TCF12: variants seen among roughly 807,000 people sequenced by gnomAD.
TCF12 encodes transcription factor 12, also known as DNA-binding protein HTF4.
A neutral mutation model predicts 86.0 loss-of-function variants in TCF12; 45 were observed. The observed-to-expected ratio is 0.52, with a 90% CI of 0.41 to 0.67. TCF12 has a LOEUF of 0.67. Among genes scored for constraint, TCF12 ranks in the 30% least tolerant of loss-of-function variants. The pLI is 0.00. For synonymous variants in TCF12, 330 were observed against 299.6 expected (o/e 1.10, Z -1.05); for missense variants, 881 against 859.9 (o/e 1.02, Z -0.31).
intron 3 of TCF12, among the ~76,000 whole-genome samples, chr15:57,045,983 A>G (rs1200477063): frequency 6.6e-6 from 1 of 152,234 alleles, no homozygotes; most frequent in African/African-American, 2.4e-5. Context: ...TAAGCAGCAG[A>G]TGACTGCCTT....
intron 4 of TCF12, among the ~76,000 whole-genome samples, chr15:57,085,209 A>T (rs755897530): frequency 6.6e-6 from 1 of 152,186 alleles, no homozygotes; most frequent in Non-Finnish European, 1.5e-5. Flanking sequence ...ACAAAATTCT[A>T]TGCTAGTCTC....
intron 3 of TCF12, among the ~76,000 whole-genome samples, chr15:57,006,507 G>T (rs543125599): frequency 2.6e-5 from 4 of 152,040 alleles, no homozygotes; most frequent in Non-Finnish European, 5.9e-5. Context: ...GTTTCACCAT[G>T]TTGGCCAGGG....
intron 3 of TCF12, among the ~76,000 whole-genome samples, chr15:57,018,444 G>C (rs1192354670): frequency 6.6e-6 from 1 of 152,000 alleles, no homozygotes; most frequent in African/African-American, 2.4e-5. Flanking sequence ...GCCTCTCTGG[G>C]CCGGATTTAT....
intron 3 of TCF12, among the ~76,000 whole-genome samples, chr15:57,053,639 A>C (rs1596313739): frequency 6.6e-6 from 1 of 151,182 alleles, no homozygotes; most frequent in Non-Finnish European, 1.5e-5. Context: ...TTTGTAGATA[A>C]ATTTTATTTG....
At position 57,289,133 on chromosome 15, in the gene TCF12, C is replaced by T. The variant is rs1172594543; in HGVS notation, c.*2988C>T. ...CGTGCGAAACCCATGGCAATTGTCACATCCTCTTGGTATGCTGGCAGATTG... is the reference window on the plus strand; with the variant it reads ...CGTGCGAAACCCATGGCAATTGTCATATCCTCTTGGTATGCTGGCAGATTG... On this transcript the variant is annotated 3_prime_UTR_variant, in exon 21 of 21. Coordinates refer to ENST00000333725, the MANE Select transcript of TCF12 (RefSeq NM_207037.2). 6.6e-6 allele frequency: 1 copy of T among 152,214 alleles called. No individual in the cohort carries two copies. Among genetic ancestry groups the T allele is most frequent in the African/African-American group, 2.4e-5 (1 of 41,456 alleles). 9.4% of individuals were successfully genotyped at this position (152,214 alleles called of 1,614,324 possible).
At chr15:57,170,700 TATATA>T (rs1567558575) in intron 6 of TCF12, among the ~76,000 whole-genome samples, 2 of 6,336 alleles carry the variant, frequency 3.2e-4, no homozygotes, top group South Asian at 0.011. Flanking sequence ...ATATATATTA[TATATA>T]ATATATAATA....
chr15:57,255,727 C>T (rs145644167), intron 16 of TCF12, among the ~76,000 whole-genome samples: 193 of 152,206 alleles, frequency 1.3e-3, no homozygotes, highest in Non-Finnish European at 2.4e-3. Context: ...TGTGATCCGC[C>T]CACCTCGGCC....
intron 5 of TCF12, among the ~76,000 whole-genome samples, chr15:57,140,970 G>C (rs548606829): frequency 1.1e-4 from 16 of 152,014 alleles, no homozygotes; most frequent in Non-Finnish European, 2.2e-4. Context: ...TTCTCTCAAG[G>C]TACTTATCTA....
intron 3 of TCF12, among the ~76,000 whole-genome samples, chr15:56,959,945 AAATC>A (rs2061670427): frequency 6.6e-6 from 1 of 152,200 alleles, no homozygotes; most frequent in Non-Finnish European, 1.5e-5. Flanking sequence ...AACTTGAAAA[AAATC>A]AAAAGAAATA....
At chr15:56,921,581 AT>A (rs1284431928) in intron 3 of TCF12, among the ~76,000 whole-genome samples, 1 of 151,946 alleles carries the variant, frequency 6.6e-6, no homozygotes, top group Non-Finnish European at 1.5e-5. Flanking sequence ...ATTTAAAAAT[AT>A]TTTAGAAGGA....
intron 3 of TCF12, among the ~76,000 whole-genome samples, chr15:56,937,344 C>A (rs1335449057): frequency 1.3e-5 from 2 of 151,382 alleles, no homozygotes; most frequent in Non-Finnish European, 2.9e-5. Context: ...TTGCTGAATT[C>A]ATGTATGAGT....
At chr15:56,919,589 C>G (rs1002654681) in intron 1 of TCF12, 4 of 202,900 alleles carry the variant, frequency 2.0e-5, no homozygotes, top group African/African-American at 2.3e-5. Context: ...GGCGGCGGCG[C>G]GGAGCAGGGG....
Position 57,231,187 on chromosome 15 carries a change from C to T in TCF12, c.615C>T (p.Asn205=). The change falls in exon 9 of 21, where the codon AAC becomes AAT. Residue 205 remains asparagine (N), a synonymous_variant. Transcript: ENST00000333725. The stretch of plus-strand genomic sequence containing the variant: ...CATCCCCAAATTCAGATGATTTCAA[C>T]CGTGAATCTCCTAGTTATCCATCTC... The part of the protein sequence containing the change: ...YAPSPNSDDF[N]RESPSYPSPK... 6.2e-7 allele frequency: 1 copy of T among 1,613,114 alleles called. No homozygotes were observed. Among genetic ancestry groups the T allele is most frequent in the Non-Finnish European group, 8.5e-7 (1 of 1,179,306 alleles).
intron 4 of TCF12, among the ~76,000 whole-genome samples, chr15:57,069,480 T>G (rs2069182257): frequency 6.6e-6 from 1 of 152,212 alleles, no homozygotes; most frequent in South Asian, 2.1e-4. Flanking sequence ...TCATTTATCT[T>G]TTTGCTCTTT....
chr15:57,132,737 T>C (rs1235054760), intron 5 of TCF12, among the ~76,000 whole-genome samples: 1 of 152,210 alleles, frequency 6.6e-6, no homozygotes, highest in African/African-American at 2.4e-5. Flanking sequence ...ACATGGCATA[T>C]AGTCAATCAG....
intron 3 of TCF12, among the ~76,000 whole-genome samples, chr15:57,033,307 T>C (rs370345557): frequency 9.9e-5 from 15 of 152,186 alleles, no homozygotes; most frequent in African/African-American, 3.6e-4. Context: ...CATAGATGTA[T>C]ACATTAAAGT....
chr15:57,234,039 C>G lies in TCF12; in HGVS notation c.971-4C>G, dbSNP rs774420069. ...CTTGATTTATTTCTCTATGAAATAT[C>G]CAGGAACCAGAGGGAATGCTGCTGG... On this transcript the variant is annotated splice_polypyrimidine_tract_variant and splice_region_variant and intron_variant, in intron 11 of 20. Coordinates refer to ENST00000333725, the MANE Select transcript of TCF12 (RefSeq NM_207037.2). 49 of 1,612,452 alleles carry G rather than the reference C, an allele frequency of 3.0e-5. No homozygotes were observed. The African/African-American group carries it at 4.7e-4, about 15-fold the overall frequency.
At chr15:57,246,907 A>T in intron 13 of TCF12, 2 of 489,826 alleles carry the variant, frequency 4.1e-6, no homozygotes, top group Admixed American at 4.4e-5. Flanking sequence ...AGCTTTCCTG[A>T]CAACTCCTCG....
intron 8 of TCF12, among the ~76,000 whole-genome samples, chr15:57,217,523 A>G (rs1267389354): frequency 6.6e-6 from 1 of 152,140 alleles, no homozygotes; most frequent in Non-Finnish European, 1.5e-5. Context: ...GGCATCAGGG[A>G]AATGGGCTTA....
Sources: gnomAD v4.1 joint callset for allele counts (sites outside exome capture counted in the v4.1 genomes callset) on GRCh38, gnomAD v4.1.1 for gene constraint, MANE v1.5 for transcripts, NCBI Gene and HGNC (gene_info 2026-07-23, HGNC 2026-07-21) for gene names.